GALK2: variants seen among roughly 807,000 people sequenced by gnomAD.
The protein encoded by GALK2 is galactokinase 2, also known as N-acetylgalactosamine kinase.
In GALK2, 36 loss-of-function variants were observed where a neutral mutation model predicts 52.4. The ratio of observed to expected loss-of-function variants is 0.69; its 90% CI spans 0.53 to 0.91. The LOEUF (loss-of-function observed/expected upper bound fraction) is 0.91. Ranked by LOEUF, GALK2 falls within the 40% of genes least tolerant of loss-of-function variation. The probability of loss-of-function intolerance (pLI) is 0.00; values close to 1 mark genes in which losing one functional copy is unlikely to be tolerated. For synonymous variants in GALK2, 176 were observed against 199.1 expected (o/e 0.88, Z 0.98); for missense variants, 579 against 559.1 (o/e 1.04, Z -0.36).
intron 2 of GALK2, among the ~76,000 whole-genome samples, chr15:49,202,633 T>C (rs2087880972): frequency 6.6e-6 from 1 of 152,196 alleles, no homozygotes; most frequent in Admixed American, 6.5e-5. Context: ...TTCTGTATCT[T>C]GACTATTGTG....
Position 49,188,722 on chromosome 15 carries a change from C to G in GALK2, c.54-12440C>G, listed in dbSNP as rs79969327. Among the ~76,000 whole-genome samples, 894 of 152,238 alleles carry G rather than the reference C, an allele frequency of 5.9e-3. 15 individuals are homozygous for G. The highest frequency in any genetic ancestry group is 0.021 in the African/African-American group (861 of 41,544). On this transcript the variant is annotated intron_variant, in intron 1 of 9. Coordinates refer to ENST00000560031, the MANE Select transcript of GALK2 (RefSeq NM_002044.4). ...TATTTGGTTATCTTGCTCCTATCCC[C>G]TTATAATTTTTTTCCTGAACAGTTT...
chr15:49,322,521 A>C (rs1250857616), intron 9 of GALK2, among the ~76,000 whole-genome samples: 1 of 152,252 alleles, frequency 6.6e-6, no homozygotes, highest in Non-Finnish European at 1.5e-5. Context: ...CCTAAGTGGC[A>C]GAGCAACCTC....
intron 9 of GALK2, among the ~76,000 whole-genome samples, chr15:49,325,431 C>T (rs898128436): frequency 1.3e-5 from 2 of 152,152 alleles, no homozygotes; most frequent in Non-Finnish European, 2.9e-5. Context: ...CAGAAAAAGG[C>T]GCAAACATGA....
At position 49,329,730 on chromosome 15, in the gene GALK2, A is replaced by C. The variant is rs952360999; in HGVS notation, c.*1571A>C. 2.1e-6 allele frequency: 2 copies of C among 970,254 alleles called. No individual in the cohort carries two copies. The highest frequency in any genetic ancestry group is 3.6e-5 in the African/African-American group (2 of 55,774). The allele number at this position is 970,254 out of a possible 1,614,324, so 60.1% of individuals were successfully genotyped here. On this transcript the variant is annotated 3_prime_UTR_variant, in exon 10 of 10. Transcript: ENST00000560031. The stretch of plus-strand genomic sequence containing the variant: ...AATTTATTTAAATTTATAATCCTTT[A>C]TTTTTTAATACCGTGCCATTTTCCA...
At chr15:49,334,038 T>C (rs2039275946), downstream of GALK2, among the ~76,000 whole-genome samples, 1 of 152,182 alleles carries the variant, frequency 6.6e-6, no homozygotes, top group African/African-American at 2.4e-5. Context: ...AGAGTAAAAA[T>C]AGATGATGAT....
chr15:49,361,820 A>T (rs2044291749), intron 3 of GALK2, among the ~76,000 whole-genome samples: 1 of 152,188 alleles, frequency 6.6e-6, no homozygotes, highest in African/African-American at 2.4e-5. Context: ...AGAAATTGCC[A>T]AACTGCTTTC....
At chr15:49,339,608 C>T (rs1322365575) in intron 3 of GALK2, among the ~76,000 whole-genome samples, 20 of 152,150 alleles carry the variant, frequency 1.3e-4, no homozygotes, top group Admixed American at 1.3e-3. Flanking sequence ...GTGTCAGGGA[C>T]CCACTTGAGA....
rs869275324 is a variant in GALK2, at chr15:49,299,735, TTTTCTTTC to T, written c.967+7251_967+7258del. Among the ~76,000 whole-genome samples the T allele has an allele frequency of 8.3e-3, 645 of 77,250 alleles. 8 individuals are homozygous for T. The highest frequency in any genetic ancestry group is 0.028 in the East Asian group (93 of 3,316). The allele number at this position is 77,250 out of a possible 152,430, so 50.7% of individuals were successfully genotyped here. On this transcript the variant is annotated intron_variant, in intron 8 of 9. Coordinates refer to ENST00000560031, the MANE Select transcript of GALK2 (RefSeq NM_002044.4). ...CTTTCTTTCTTTCTTTCTTTCTTTC[TTTTCTTTC>T]TTTCTTTCTTTCTTTCTTTCTTTCT...
intron 1 of GALK2, chr15:49,195,352 T>A: frequency 4.7e-6 from 1 of 212,432 alleles, no homozygotes; most frequent in South Asian, 5.4e-5. Context: ...ATTACAGGCA[T>A]GAGCCACAGT....
At chr15:49,281,321 C>T (rs996945265) in intron 5 of GALK2, among the ~76,000 whole-genome samples, 1 of 152,194 alleles carries the variant, frequency 6.6e-6, no homozygotes, top group Non-Finnish European at 1.5e-5. Flanking sequence ...GATACAATTT[C>T]GTATGCATAA....
chr15:49,156,152 C>A (rs1046258840), intron 1 of GALK2: 3 of 834,078 alleles, frequency 3.6e-6, no homozygotes, highest in Non-Finnish European at 5.9e-6. Flanking sequence ...CAAAACAATT[C>A]TATGGATATC....
intron 3 of GALK2, among the ~76,000 whole-genome samples, chr15:49,221,496 TCTCTA>T (rs2141404292): frequency 1.3e-5 from 2 of 152,024 alleles, no homozygotes; most frequent in South Asian, 4.2e-4. Flanking sequence ...TGAAGCCCTG[TCTCTA>T]TTAAAAATAC....
intron 5 of GALK2, among the ~76,000 whole-genome samples, chr15:49,273,906 C>T (rs2031196589): frequency 6.6e-6 from 1 of 152,132 alleles, no homozygotes; most frequent in African/African-American, 2.4e-5. Context: ...ATGGCACACT[C>T]AATGCTGAAG....
intron 5 of GALK2, among the ~76,000 whole-genome samples, chr15:49,258,131 C>A (rs902962671): frequency 3.3e-5 from 5 of 151,988 alleles, no homozygotes; most frequent in Admixed American, 3.3e-4. Context: ...ATTCAATTAA[C>A]AATTTTTAAT....
At chr15:49,186,139 G>T (rs2086319417) in intron 1 of GALK2, among the ~76,000 whole-genome samples, 1 of 151,972 alleles carries the variant, frequency 6.6e-6, no homozygotes, top group Non-Finnish European at 1.5e-5. Flanking sequence ...CTTGAATATT[G>T]ATATATTTCT....
chr15:49,186,771 T>C (rs1291560638), intron 1 of GALK2, among the ~76,000 whole-genome samples: 1 of 152,164 alleles, frequency 6.6e-6, no homozygotes, highest in Non-Finnish European at 1.5e-5. Flanking sequence ...TCTCTTGACC[T>C]CATGATCCGC....
chr15:49,214,315 A>G (rs1031303889), intron 2 of GALK2, among the ~76,000 whole-genome samples: 1 of 146,870 alleles, frequency 6.8e-6, no homozygotes, highest in Non-Finnish European at 1.5e-5. Flanking sequence ...CCTTAACCCC[A>G]TTTCTTCACT....
chr15:49,161,590 G>T (rs781746235), intron 1 of GALK2: 1 of 152,162 alleles, frequency 6.6e-6, no homozygotes, highest in Non-Finnish European at 1.5e-5. Context: ...TGCCCTTGTT[G>T]AAAGTGGATC....
downstream of GALK2, chr15:49,334,336 C>T: frequency 3.3e-6 from 2 of 601,972 alleles, no homozygotes; most frequent in Non-Finnish European, 4.2e-6. Flanking sequence ...ATAATGCAGG[C>T]ATTACTAATT....
Sources: allele counts gnomAD v4.1 joint callset (sites outside exome capture counted in the v4.1 genomes callset), GRCh38; gene constraint gnomAD v4.1.1; transcripts MANE v1.5; gene names NCBI Gene and HGNC (gene_info 2026-07-23, HGNC 2026-07-21).